The following ACSM4 variants were observed in gnomAD, a reference collection of about 807,000 sequenced individuals.
ACSM4 encodes acyl-coenzyme A synthetase ACSM4, mitochondrial.
ACSM4 carries 66 observed loss-of-function variants against 73.0 expected under a neutral mutation model. That is an observed-to-expected ratio of 0.90 (90% CI 0.74 to 1.11). The LOEUF is 1.11. Among genes scored for constraint, ACSM4 ranks in the 50% least tolerant of loss-of-function variants. ACSM4 has a pLI of 0.00. For synonymous variants in ACSM4, 222 were observed against 254.0 expected (o/e 0.87, Z 1.20); for missense variants, 645 against 714.4 (o/e 0.90, Z 1.11).
At position 7,328,399 on chromosome 12, in the gene ACSM4, G is replaced by T; in HGVS notation, c.*26G>T. 1 of 1,512,058 alleles carries T rather than the reference G, an allele frequency of 6.6e-7. No homozygotes were observed. The highest frequency in any genetic ancestry group is 9.0e-7 in the Non-Finnish European group (1 of 1,112,662). The allele number at this position is 1,512,058 out of a possible 1,614,324, so 93.7% of individuals were successfully genotyped here. Reference sequence around the variant, plus strand: ...TTTGATAACAAAGCTGAAGGGTTAAGCAGTAATATGGTTGCTTTCTTTTAG... The same window carrying T: ...TTTGATAACAAAGCTGAAGGGTTAATCAGTAATATGGTTGCTTTCTTTTAG... On this transcript the variant is annotated 3_prime_UTR_variant, in exon 13 of 13. Coordinates refer to ENST00000399422, the MANE Select transcript of ACSM4 (RefSeq NM_001080454.2).
chr12:7,313,196 T>C (rs762090294), intron 3 of ACSM4, among the ~76,000 whole-genome samples: 14 of 152,190 alleles, frequency 9.2e-5, no homozygotes, highest in Admixed American at 2.0e-4. Flanking sequence ...CAATAATCTA[T>C]TGAGTCCCCA....
intron 9 of ACSM4, 67 bp downstream of exon 9, chr12:7,323,627 T>C: frequency 7.2e-7 from 1 of 1,389,038 alleles, no homozygotes; most frequent in Non-Finnish European, 1.0e-6. Flanking sequence ...TTCCACCGTG[T>C]CTTGCTATGT....
rs978702494 is a variant in ACSM4, at chr12:7,322,505, G to A, written c.1089G>A (p.Gly363=). ...EVLEQWRVQT[G]LELYEGYGQT... is the part of the protein sequence containing the mutation. ...TGGAGCAGTGGAGGGTGCAAACTGG[G>A]CTGGAGCTATATGAGGGCTATGGAC... The change falls in exon 7 of 13, where the codon GGG becomes GGA. Residue 363 remains glycine (G), a synonymous_variant. Transcript: ENST00000399422. 1.2e-6 allele frequency: 2 copies of A among 1,613,756 alleles called. No individual in the cohort carries two copies. Among genetic ancestry groups the A allele is most frequent in the South Asian group, 1.1e-5 (1 of 91,076 alleles).
In ACSM4 at chr12:7,310,709, A is replaced by G; in HGVS notation, c.583A>G (p.Ser195Gly). Residue 195 changes from serine (S) to glycine (G), a missense_variant, in exon 3 of 13, where the codon AGC becomes GGC. Ser to Gly is a moderately conservative substitution (Grantham distance 56, BLOSUM62 0). Coordinates refer to ENST00000399422, the MANE Select transcript of ACSM4 (RefSeq NM_001080454.2). ...GACAAAACTCCTGGTGTCTCCACAA[A>G]GCTGGAATGGGTGGCTCAGCTTCCA... ...LKTKLLVSPQ[S>G]WNGWLSFQEL... 1 of 1,613,552 alleles carries G rather than the reference A, an allele frequency of 6.2e-7. No homozygotes were observed. The highest frequency in any genetic ancestry group is 8.5e-7 in the Non-Finnish European group (1 of 1,179,738).
rs1481816045 is a variant in ACSM4 at position 7,322,453 on chromosome 12, G to A, written c.1037G>A (p.Gly346Glu). ...AAGAGTCTGCGGCACTGCTTGACCG[G>A]AGGGGAGCCACTCAACCCAGAAGTG... is the stretch of plus-strand genomic sequence containing the variant. ...KFKSLRHCLT[G>E]GEPLNPEVLE... Residue 346 changes from glycine (G) to glutamate (E), a missense_variant, in exon 7 of 13, where the codon GGA (glycine) becomes GAA (glutamate). Coordinates refer to ENST00000399422, the MANE Select transcript of ACSM4 (RefSeq NM_001080454.2). 1.9e-6 allele frequency: 3 copies of A among 1,613,754 alleles called. No homozygotes were observed. The highest frequency in any genetic ancestry group is 1.3e-5 in the African/African-American group (1 of 74,904).
At chr12:7,321,279 G>C (rs1390893701) in intron 6 of ACSM4, among the ~76,000 whole-genome samples, 1 of 152,156 alleles carries the variant, frequency 6.6e-6, no homozygotes, top group Non-Finnish European at 1.5e-5. Flanking sequence ...TTGAAGAAAA[G>C]CTAACAAAAT....
At position 7,322,490 on chromosome 12, in the gene ACSM4, G is replaced by C. The variant is rs770637974; in HGVS notation, c.1074G>C (p.Trp358Cys). Reference sequence around the variant, plus strand: ...TCAACCCAGAAGTGCTGGAGCAGTGGAGGGTGCAAACTGGGCTGGAGCTAT... The same window carrying C: ...TCAACCCAGAAGTGCTGGAGCAGTGCAGGGTGCAAACTGGGCTGGAGCTAT... ...EPLNPEVLEQ[W>C]RVQTGLELYE... The change falls in exon 7 of 13, where the codon TGG (tryptophan) becomes TGC (cysteine). Residue 358 changes from tryptophan to cysteine, a missense_variant. Transcript: ENST00000399422. 8 of 1,613,926 alleles carry C rather than the reference G, an allele frequency of 5.0e-6. No homozygotes were observed. The highest frequency in any genetic ancestry group is 6.8e-6 in the Non-Finnish European group (8 of 1,179,840).
At chr12:7,304,631 C>A in intron 1 of ACSM4, 99 bp downstream of exon 1, 1 of 1,216,906 alleles carries the variant, frequency 8.2e-7, no homozygotes. Flanking sequence ...CCAATGCACT[C>A]TCTCACCCTC....
chr12:7,324,710 G>A, intron 11 of ACSM4, 112 bp downstream of exon 11: 1 of 1,177,316 alleles, frequency 8.5e-7, no homozygotes, highest in South Asian at 1.4e-5. Flanking sequence ...TCGTTATGAA[G>A]CATGCATTTG....
Position 7,304,248 on chromosome 12 carries a change from A to G in ACSM4, c.-84A>G, listed in dbSNP as rs1217601464. 7.1e-7 allele frequency: 1 copy of G among 1,405,870 alleles called. No homozygotes were observed. Among genetic ancestry groups the G allele is most frequent in the Non-Finnish European group, 9.9e-7 (1 of 1,006,648 alleles). 87.1% of individuals were successfully genotyped at this position (1,405,870 alleles called of 1,614,324 possible). On this transcript the variant is annotated 5_prime_UTR_variant, in exon 1 of 13. Transcript: ENST00000399422. ...CTCCCAGTCTCACCACAGAGCATCA[A>G]GAAACTGATACTCTCTATCCATCTC...
rs764765400 is a variant in ACSM4 at position 7,327,034 on chromosome 12, T to C, written c.1595T>C (p.Leu532Ser). Reference sequence around the variant, plus strand: ...TTTAAGTCCTACAACCCAGAGAAATTAACTCTTGAACTTCAGGATCATGTG... The same window carrying C: ...TTTAAGTCCTACAACCCAGAGAAATCAACTCTTGAACTTCAGGATCATGTG... ...APFKSYNPEKLTLELQDHVKK... is the reference protein window; with the variant it reads ...APFKSYNPEKSTLELQDHVKK... Residue 532 changes from leucine to serine, a missense_variant, in exon 12 of 13, where the codon TTA (leucine) becomes TCA (serine). Leu to Ser is a moderately radical substitution (Grantham distance 145). Coordinates refer to ENST00000399422, the MANE Select transcript of ACSM4 (RefSeq NM_001080454.2). 1.5e-5 allele frequency: 24 copies of C among 1,612,624 alleles called. No homozygotes were observed. The African/African-American group carries it at 3.1e-4, about 21-fold the overall frequency.
At chr12:7,322,217 C>T (rs868546458) in intron 6 of ACSM4, among the ~76,000 whole-genome samples, 21 of 152,252 alleles carry the variant, frequency 1.4e-4, no homozygotes, top group Middle Eastern at 6.8e-3. Context: ...CAGGAATTTT[C>T]GTTATAATCA....
chr12:7,317,243 CAGA>C lies in ACSM4; in HGVS notation c.728_730del (p.Gln243_Ser244delinsArg). ...CTTTCCTAAAATGGCCCAGCACTCT[CAGA>C]GCAGCCTCGGCATTGGGTTCACCCT... On this transcript the variant is annotated inframe_deletion, in exon 4 of 13. Transcript: ENST00000399422. The C allele has an allele frequency of 6.3e-7, 1 of 1,596,370 alleles. No homozygotes were observed. The highest frequency in any genetic ancestry group is 1.1e-5 in the South Asian group (1 of 88,030).
Position 7,317,205 on chromosome 12 carries a change from G to A in ACSM4, c.689G>A (p.Ser230Asn), listed in dbSNP as rs1227410933. The A allele has an allele frequency of 6.2e-7, 1 of 1,611,894 alleles. No individual in the cohort carries two copies. Among genetic ancestry groups the A allele is most frequent in the East Asian group, 2.2e-5 (1 of 44,724 alleles). ...SQEPMTIYFT[S>N]GTTGFPKMAQ... The stretch of plus-strand genomic sequence containing the variant: ...GAACCAATGACCATTTATTTCACCA[G>A]TGGGACCACAGGCTTTCCTAAAATG... Residue 230 changes from serine to asparagine, a missense_variant, in exon 4 of 13, where the codon AGT becomes AAT. Transcript: ENST00000399422.
intron 3 of ACSM4, 57 bp from the exon 4 acceptor site, chr12:7,317,080 T>C (rs969389029): frequency 1.3e-6 from 2 of 1,558,262 alleles, no homozygotes; most frequent in Admixed American, 1.9e-5. Context: ...AGAGGAAATA[T>C]CAGAGTCAAA....
chr12:7,322,432 G>C lies in ACSM4; in HGVS notation c.1016G>C (p.Ser339Thr). 6.2e-7 allele frequency: 1 copy of C among 1,613,812 alleles called. No individual in the cohort carries two copies. The highest frequency in any genetic ancestry group is 8.5e-7 in the Non-Finnish European group (1 of 1,179,824). ...QKDLKRYKFK[S>T]LRHCLTGGEP... Reference sequence around the variant, plus strand: ...TGTCTCTCCAGATATAAATTCAAGAGTCTGCGGCACTGCTTGACCGGAGGG... The same window carrying C: ...TGTCTCTCCAGATATAAATTCAAGACTCTGCGGCACTGCTTGACCGGAGGG... The change falls in exon 7 of 13, where the codon AGT becomes ACT. Residue 339 changes from serine (S) to threonine (T), a missense_variant. By Grantham distance (58) the Ser-to-Thr change is moderately conservative. Transcript: ENST00000399422.
At position 7,323,562 on chromosome 12, in the gene ACSM4, T is replaced by C. The variant is rs766496268; in HGVS notation, c.1308+2T>C. 1 of 1,610,440 alleles carries C rather than the reference T, an allele frequency of 6.2e-7. No individual in the cohort carries two copies. The highest frequency in any genetic ancestry group is 8.5e-7 in the Non-Finnish European group (1 of 1,176,780). On this transcript the variant is annotated splice_donor_variant, in intron 9 of 12. Coordinates refer to ENST00000399422, the MANE Select transcript of ACSM4 (RefSeq NM_001080454.2). LOFTEE classifies it high-confidence loss of function. ...TTCTGTTTCTTCTCTAAATATGTGG[T>C]ATGAGGATAGAAAGTGCTGGTCATG... is the stretch of plus-strand genomic sequence containing the variant.
chr12:7,325,869 C>A (rs1369597608), intron 11 of ACSM4, among the ~76,000 whole-genome samples: 4 of 152,136 alleles, frequency 2.6e-5, no homozygotes, highest in Non-Finnish European at 4.4e-5. Flanking sequence ...ACATCTGTAC[C>A]TCCCTCTCAC....
chr12:7,319,978 CA>C (rs1455874219), intron 5 of ACSM4, among the ~76,000 whole-genome samples: 1 of 152,204 alleles, frequency 6.6e-6, no homozygotes, highest in Non-Finnish European at 1.5e-5. Flanking sequence ...GGAGCAGATA[CA>C]CATGGTAGAA....
Sources: gnomAD v4.1 joint callset for allele counts (sites outside exome capture counted in the v4.1 genomes callset) on GRCh38, gnomAD v4.1.1 for gene constraint, MANE v1.5 for transcripts, NCBI Gene and HGNC (gene_info 2026-07-23, HGNC 2026-07-21) for gene names.